AGBL4: variants seen among roughly 807,000 people sequenced by gnomAD.
AGBL4 encodes the protein AGBL carboxypeptidase 4.
A neutral mutation model predicts 66.4 loss-of-function variants in AGBL4; 58 were observed. The observed-to-expected ratio is 0.87, with a 90% CI of 0.71 to 1.09. AGBL4 has a LOEUF of 1.09. AGBL4 is among the 50% of genes least tolerant of loss of function. The pLI, the probability that AGBL4 is intolerant of heterozygous loss-of-function variation, is 0.00. For synonymous variants in AGBL4, 234 were observed against 222.9 expected (o/e 1.05, Z -0.44); for missense variants, 579 against 631.0 (o/e 0.92, Z 0.88).
intron 6 of AGBL4, among the ~76,000 whole-genome samples, chr1:48,789,544 C>T (rs547531791): frequency 6.6e-6 from 1 of 152,118 alleles, no homozygotes; most frequent in Non-Finnish European, 1.5e-5. Flanking sequence ...CCACCTTGGC[C>T]TCCCAAAGTG....
In AGBL4 at chr1:48,681,111, C is replaced by T. The variant is rs1646448130; in HGVS notation, c.635-17870G>A. ...TTGATAAACCTGTGGAAATTACTGG[C>T]TAGAACACCAATACTTTCCTTATTG... is the stretch of plus-strand genomic sequence containing the variant. On this transcript the variant is annotated intron_variant, in intron 6 of 13. Transcript: ENST00000371839. Among the ~76,000 whole-genome samples, 8 of 152,332 alleles carry T rather than the reference C, an allele frequency of 5.3e-5. No homozygotes were observed. In the South Asian group the frequency reaches 1.7e-3, roughly 32 times the overall value.
rs533603292 is a variant in AGBL4 at position 48,720,441 on chromosome 1, A to G, written c.635-57200T>C. ...AAGGTAGCATCTAGCATGATCATTA[A>G]GACACCAGACATTGGAGTCACACAG... On this transcript the variant is annotated intron_variant, in intron 6 of 13. Transcript: ENST00000371839. Among the ~76,000 whole-genome samples the G allele has an allele frequency of 4.0e-4, 61 of 152,356 alleles. 2 individuals are homozygous for G. In the South Asian group the frequency reaches 0.012, roughly 31 times the overall value.
chr1:48,971,939 G>T (rs748144760), intron 5 of AGBL4, among the ~76,000 whole-genome samples: 17 of 152,254 alleles, frequency 1.1e-4, no homozygotes, highest in Admixed American at 3.3e-4. Context: ...AAAAGGCAGG[G>T]ATAGCTCTCT....
At chr1:48,850,544 A>G (rs1326003055) in intron 6 of AGBL4, among the ~76,000 whole-genome samples, 1 of 152,078 alleles carries the variant, frequency 6.6e-6, no homozygotes, top group Non-Finnish European at 1.5e-5. Context: ...TTTTGTTTTT[A>G]GCCTAGGTCT....
intron 3 of AGBL4, among the ~76,000 whole-genome samples, chr1:49,622,655 G>GAAAAAAGGGAAA (rs1645389832): frequency 1.0e-5 from 1 of 99,930 alleles, no homozygotes; most frequent in South Asian, 3.4e-4. Flanking sequence ...AAAAAAAAAA[G>GAAAAAAGGGAAA]AAAAATGGGA....
Position 49,955,288 on chromosome 1 carries a change from T to C in AGBL4, c.34+68475A>G, listed in dbSNP as rs1313654957. On this transcript the variant is annotated intron_variant, in intron 1 of 13. Coordinates refer to ENST00000371839, the MANE Select transcript of AGBL4 (RefSeq NM_032785.4). Reference sequence around the variant, plus strand: ...TCATTGAGTATAATCAAACTAATAATTCACTTACAAAAACAAAGTTTCACT... The same window carrying C: ...TCATTGAGTATAATCAAACTAATAACTCACTTACAAAAACAAAGTTTCACT... Among the ~76,000 whole-genome samples, 2 of 151,982 alleles carry C rather than the reference T, an allele frequency of 1.3e-5. 1 individual carries two copies. Among genetic ancestry groups the C allele is most frequent in the South Asian group, 4.1e-4 (2 of 4,826 alleles).
Position 50,023,929 on chromosome 1 carries a change from G to T in AGBL4, c.-133C>A. ...ACGGTTGCCTGGGCAACGGGCGGCA[G>T]GCGCGCGGGTGGCCGGCGCGCGGCT... On this transcript the variant is annotated 5_prime_UTR_variant, in exon 1 of 14. In the 5' UTR this introduces an upstream ATG that the reference lacks. Coordinates refer to ENST00000371839, the MANE Select transcript of AGBL4 (RefSeq NM_032785.4). The T allele has an allele frequency of 9.4e-7, 1 of 1,059,198 alleles. No homozygotes were observed. Among genetic ancestry groups the T allele is most frequent in the Non-Finnish European group, 1.3e-6 (1 of 773,534 alleles). The allele number at this position is 1,059,198 out of a possible 1,614,324, so 65.6% of individuals were successfully genotyped here. A position where few individuals can be genotyped will look rare whatever the true frequency, so the allele number is the denominator to read the frequency against.
intron 2 of AGBL4, among the ~76,000 whole-genome samples, chr1:49,819,777 A>G (rs1645321152): frequency 6.6e-6 from 1 of 152,174 alleles, no homozygotes; most frequent in Non-Finnish European, 1.5e-5. Context: ...TGGCAATAAA[A>G]AAGAAAACAT....
At chr1:49,278,385 A>AAGAG (rs144823460) in intron 3 of AGBL4, among the ~76,000 whole-genome samples, 1 of 152,070 alleles carries the variant, frequency 6.6e-6, no homozygotes, top group African/African-American at 2.4e-5. Context: ...CAGTAAATCT[A>AAGAG]AGAGAGAGAG....
chr1:48,698,167 T>C (rs60751633), intron 6 of AGBL4, among the ~76,000 whole-genome samples: 4,411 of 152,118 alleles, frequency 0.029, 211 homozygotes, highest in African/African-American at 0.1. Flanking sequence ...GGTTTGGGGG[T>C]GACCTCAGCT....
At chr1:49,745,128 TA>T (rs1301769064) in intron 2 of AGBL4, among the ~76,000 whole-genome samples, 1 of 152,016 alleles carries the variant, frequency 6.6e-6, no homozygotes, top group East Asian at 1.9e-4. Flanking sequence ...AAAAATGGAT[TA>T]AAAACATGAC....
chr1:50,012,998 C>A (rs1661668032), intron 1 of AGBL4, among the ~76,000 whole-genome samples: 1 of 152,224 alleles, frequency 6.6e-6, no homozygotes, highest in African/African-American at 2.4e-5. Context: ...GTTACAACAC[C>A]CATTGTCTCA....
chr1:48,974,913 G>A (rs886624200), intron 5 of AGBL4, among the ~76,000 whole-genome samples: 1 of 151,996 alleles, frequency 6.6e-6, no homozygotes, highest in Non-Finnish European at 1.5e-5. Flanking sequence ...TTTTTGTAGG[G>A]CTATTTCAAT....
At chr1:49,559,597 T>A (rs1257916239) in intron 3 of AGBL4, among the ~76,000 whole-genome samples, 1 of 152,108 alleles carries the variant, frequency 6.6e-6, no homozygotes. Flanking sequence ...TGGAAGAAAG[T>A]GGAAAAAACT....
intron 11 of AGBL4, among the ~76,000 whole-genome samples, chr1:48,577,413 G>A (rs945530136): frequency 4.6e-5 from 7 of 152,306 alleles, no homozygotes; most frequent in African/African-American, 1.7e-4. Flanking sequence ...AAGGCTGACA[G>A]TTATCACTAT....
At chr1:49,346,749 A>G (rs146930012) in intron 3 of AGBL4, among the ~76,000 whole-genome samples, 1 of 152,280 alleles carries the variant, frequency 6.6e-6, no homozygotes, top group Non-Finnish European at 1.5e-5. Context: ...CAGAAGATAG[A>G]TCTTCATCCT....
chr1:49,982,380 T>A (rs1421507787), intron 1 of AGBL4, among the ~76,000 whole-genome samples: 1 of 152,204 alleles, frequency 6.6e-6, no homozygotes, highest in African/African-American at 2.4e-5. Context: ...CTCAGGGCAG[T>A]GCTGACACAC....
intron 6 of AGBL4, among the ~76,000 whole-genome samples, chr1:48,862,114 C>A (rs1411575851): frequency 6.6e-6 from 1 of 152,142 alleles, no homozygotes; most frequent in African/African-American, 2.4e-5. Flanking sequence ...ATTCATAACT[C>A]AAAGTCCCAC....
In AGBL4 at chr1:49,878,480, T is replaced by TTCTTAATTC. The variant is rs1306720345; in HGVS notation, c.35-26971_35-26963dup. On this transcript the variant is annotated intron_variant, in intron 1 of 13. Coordinates refer to ENST00000371839, the MANE Select transcript of AGBL4 (RefSeq NM_032785.4). ...TGTAGTTGAGCAGCTTTGAGTGAGATTCTTAATTCTGAGTTCTACTTTGAT... is the reference window on the plus strand; with the variant it reads ...TGTAGTTGAGCAGCTTTGAGTGAGATTCTTAATTCTCTTAATTCTGAGTTCTACTTTGAT... Among the ~76,000 whole-genome samples, 4 of 152,192 alleles carry TTCTTAATTC rather than the reference T, an allele frequency of 2.6e-5. No homozygotes were observed. The South Asian group carries it at 8.3e-4, about 32-fold the overall frequency.
Sources: allele counts gnomAD v4.1 joint callset (sites outside exome capture counted in the v4.1 genomes callset), GRCh38; gene constraint gnomAD v4.1.1; transcripts MANE v1.5; gene names NCBI Gene and HGNC (gene_info 2026-07-23, HGNC 2026-07-21).